PCDHGA12: variants seen among roughly 807,000 people sequenced by gnomAD.
PCDHGA12 encodes the protein protocadherin gamma-A12.
PCDHGA12 carries 43 observed loss-of-function variants against 61.1 expected under a neutral mutation model. The observed-to-expected ratio is 0.70, with a 90% confidence interval of 0.55 to 0.91. The LOEUF (loss-of-function observed/expected upper bound fraction) is 0.91, where lower values mean the gene tolerates loss of function less well. Among genes scored for constraint, PCDHGA12 ranks in the 40% least tolerant of loss-of-function variants. The pLI, the probability that PCDHGA12 is intolerant of heterozygous loss-of-function variation, is 0.00. For synonymous variants in PCDHGA12, 520 were observed against 542.9 expected, an observed-to-expected ratio of 0.96 and a Z score of 0.59; for missense variants, 1,236 against 1,227.7, an observed-to-expected ratio of 1.01 and a Z score of -0.10.
intron 2 of PCDHGA12, among the ~76,000 whole-genome samples, chr5:141,496,013 T>C (rs2154591828): frequency 6.6e-6 from 1 of 152,134 alleles, no homozygotes; most frequent in East Asian, 1.9e-4. Flanking sequence ...CTTGTCTTTT[T>C]TCTCTGAGCC....
At chr5:141,501,103 G>A (rs1449600108) in intron 2 of PCDHGA12, among the ~76,000 whole-genome samples, 9 of 152,078 alleles carry the variant, frequency 5.9e-5, no homozygotes, top group African/African-American at 1.4e-4. Context: ...TCTTGACCTC[G>A]TGATCCGCCT....
intron 1 of PCDHGA12, among the ~76,000 whole-genome samples, chr5:141,451,106 G>A (rs1204327490): frequency 1.3e-5 from 2 of 152,164 alleles, no homozygotes; most frequent in African/African-American, 4.8e-5. Context: ...GGGATTACAG[G>A]CGTGAGCCAC....
Position 141,486,880 on chromosome 5 carries a change from G to T in PCDHGA12, c.2425-7927G>T. On this transcript the variant is annotated intron_variant, in intron 1 of 3. Transcript: ENST00000252085. The surrounding 1 kb of genome is among the most constrained non-coding windows in gnomAD (Gnocchi z 5.0). The stretch of plus-strand genomic sequence containing the variant: ...ATGCTCCAGCTGTGCTCCGTCCTCG[G>T]GCCCGGCCTGGTTCCTTATGTCCCC... The T allele has an allele frequency of 6.2e-7, 1 of 1,614,212 alleles. No homozygotes were observed. Among genetic ancestry groups the T allele is most frequent in the East Asian group, 2.2e-5 (1 of 44,882 alleles).
At chr5:141,501,600 C>G (rs1320824291) in intron 2 of PCDHGA12, among the ~76,000 whole-genome samples, 1 of 152,040 alleles carries the variant, frequency 6.6e-6, no homozygotes, top group Admixed American at 6.6e-5. Flanking sequence ...TCTACCAGTT[C>G]CAGCTGTGTG....
Position 141,491,795 on chromosome 5 carries a change from C to T in PCDHGA12, c.2425-3012C>T. On this transcript the variant is annotated intron_variant, in intron 1 of 3. Coordinates refer to ENST00000252085, the MANE Select transcript of PCDHGA12 (RefSeq NM_003735.3). This position sits in a 1 kb window ranked among gnomAD's most constrained non-coding sequence, Gnocchi z 6.9. ...GGATTGAACTTGCATCCACTCCTCT[C>T]CGGCCGGCTTGGTCGCTGGCTGCGC... 6 of 1,511,694 alleles carry T rather than the reference C, an allele frequency of 4.0e-6. No individual in the cohort carries two copies. Among genetic ancestry groups the T allele is most frequent in the Non-Finnish European group, 5.3e-6 (6 of 1,130,430 alleles). 93.6% of individuals were successfully genotyped at this position (1,511,694 alleles called of 1,614,324 possible).
At chr5:141,454,796 ATTTTTTT>A (rs61612330) in intron 1 of PCDHGA12, among the ~76,000 whole-genome samples, 2,943 of 77,244 alleles carry the variant, frequency 0.038, 52 homozygotes, top group African/African-American at 0.09. Context: ...CATGGTTCTA[ATTTTTTT>A]TTTTTTTTTT....
chr5:141,487,812 T>A lies in PCDHGA12; in HGVS notation c.2425-6995T>A. ...TAACCAGAGTTGTCACAGTTTAGCA[T>A]TGGGGGCGGGTCATGCCTATATCTG... On this transcript the variant is annotated intron_variant, in intron 1 of 3. Coordinates refer to ENST00000252085, the MANE Select transcript of PCDHGA12 (RefSeq NM_003735.3). The surrounding 1 kb of genome is among the most constrained non-coding windows in gnomAD (Gnocchi z 5.0). 1 of 1,408,206 alleles carries A rather than the reference T, an allele frequency of 7.1e-7. No individual in the cohort carries two copies. The highest frequency in any genetic ancestry group is 9.7e-7 in the Non-Finnish European group (1 of 1,036,248). 87.2% of individuals were successfully genotyped at this position (1,408,206 alleles called of 1,614,324 possible). A position where few individuals can be genotyped will look rare whatever the true frequency, so the allele number is the denominator to read the frequency against.
intron 1 of PCDHGA12, among the ~76,000 whole-genome samples, chr5:141,450,899 A>G (rs1045595271): frequency 1.0e-4 from 15 of 149,514 alleles, no homozygotes; most frequent in African/African-American, 3.7e-4. Context: ...ATATCGGCTC[A>G]CTGCAACCGC....
intron 1 of PCDHGA12, chr5:141,484,889 T>C (rs2099602721): frequency 2.8e-6 from 1 of 363,070 alleles, no homozygotes. Flanking sequence ...GTGGGCTTTT[T>C]CCCCTCCAAT....
In PCDHGA12 at chr5:141,476,691, A is replaced by G; in HGVS notation, c.2425-18116A>G. 6.2e-7 allele frequency: 1 copy of G among 1,614,224 alleles called. No individual in the cohort carries two copies. Among genetic ancestry groups the G allele is most frequent in the Non-Finnish European group, 8.5e-7 (1 of 1,180,050 alleles). The stretch of plus-strand genomic sequence containing the variant: ...GTGCAGACGCGGGAGGACAGCACCA[A>G]GTACGCGGAGCTGGTGTTGGAGCGC... On this transcript the variant is annotated intron_variant, in intron 1 of 3. Transcript: ENST00000252085. This position sits in a 1 kb window ranked among gnomAD's most constrained non-coding sequence, Gnocchi z 7.6.
At chr5:141,458,028 G>A (rs1363025110) in intron 1 of PCDHGA12, among the ~76,000 whole-genome samples, 2 of 152,122 alleles carry the variant, frequency 1.3e-5, no homozygotes, top group African/African-American at 4.8e-5. Flanking sequence ...ATTGTGTTCT[G>A]TTGACAAAGA....
intron 1 of PCDHGA12, among the ~76,000 whole-genome samples, chr5:141,438,397 C>A (rs950830331): frequency 6.6e-6 from 1 of 151,624 alleles, no homozygotes. Context: ...TCATCATTAA[C>A]TCTCTGAAGT....
Position 141,489,276 on chromosome 5 carries a change from AT to A in PCDHGA12, c.2425-5530del, listed in dbSNP as rs2099684949. 1.9e-6 allele frequency: 3 copies of A among 1,556,004 alleles called. No homozygotes were observed. Among genetic ancestry groups the A allele is most frequent in the Non-Finnish European group, 2.6e-6 (3 of 1,151,570 alleles). ...AGACACTCCCACAGCTCGCTGGGAA[AT>A]GGCAAGTGCTGTGCATGTTGTCCTT... On this transcript the variant is annotated intron_variant, in intron 1 of 3. Coordinates refer to ENST00000252085, the MANE Select transcript of PCDHGA12 (RefSeq NM_003735.3). This position sits in a 1 kb window ranked among gnomAD's most constrained non-coding sequence, Gnocchi z 4.5.
chr5:141,484,024 A>G (rs769415978), intron 1 of PCDHGA12, among the ~76,000 whole-genome samples: 14 of 150,914 alleles, frequency 9.3e-5, no homozygotes, highest in Non-Finnish European at 1.6e-4. Flanking sequence ...GTGGGGTGAG[A>G]TCAAGTCTCC....
intron 1 of PCDHGA12, among the ~76,000 whole-genome samples, chr5:141,470,152 T>C (rs546219809): frequency 2.6e-5 from 4 of 152,308 alleles, no homozygotes; most frequent in African/African-American, 9.6e-5. Context: ...ATAGATCATC[T>C]TATCAAATCA....
chr5:141,450,181 C>A (rs2098672863), intron 1 of PCDHGA12, among the ~76,000 whole-genome samples: 1 of 151,572 alleles, frequency 6.6e-6, no homozygotes, highest in African/African-American at 2.4e-5. Flanking sequence ...CCACACCCAG[C>A]TAATTTTTGT....
At chr5:141,465,945 AC>A (rs761290693) in intron 1 of PCDHGA12, among the ~76,000 whole-genome samples, 7 of 151,958 alleles carry the variant, frequency 4.6e-5, no homozygotes, top group Non-Finnish European at 5.9e-5. Context: ...ACATGGTGAA[AC>A]CCCATCTCTA....
In PCDHGA12 at chr5:141,478,732, T is replaced by C. The variant is rs772167680; in HGVS notation, c.2425-16075T>C. 7.2e-6 allele frequency: 11 copies of C among 1,537,428 alleles called. No homozygotes were observed. In the South Asian group the frequency reaches 1.2e-4, roughly 17 times the overall value. On this transcript the variant is annotated intron_variant, in intron 1 of 3. Transcript: ENST00000252085. ...GAGATGGTGGCCTGCCAGAGTGTGG[T>C]TTGTGGTCCCATTTCAGGGGGAAGA...
intron 1 of PCDHGA12, among the ~76,000 whole-genome samples, chr5:141,443,323 A>AG (rs1262238603): frequency 1.3e-5 from 2 of 151,732 alleles, no homozygotes; most frequent in African/African-American, 4.9e-5. Context: ...TCTACAAAAA[A>AG]AAAAAACAAA....
Sources: gnomAD v4.1 joint callset for allele counts (sites outside exome capture counted in the v4.1 genomes callset) on GRCh38, gnomAD v4.1.1 for gene constraint, Gnocchi (gnomAD v3.1) non-coding constraint, MANE v1.5 for transcripts, NCBI Gene and HGNC (gene_info 2026-07-23, HGNC 2026-07-21) for gene names.